The following NRXN1 variants were observed in gnomAD, a reference collection of about 807,000 sequenced individuals.
NRXN1 encodes the protein neurexin 1.
In NRXN1, 39 loss-of-function variants were observed where a neutral mutation model predicts 150.9. The observed-to-expected ratio is 0.26, with a 90% confidence interval of 0.20 to 0.34. The LOEUF is 0.34. NRXN1 is among the 10% of genes least tolerant of loss of function. The pLI is 1.00. For missense variants in NRXN1, 1,815 were observed against 1,949.9 expected (o/e 0.93, Z 1.30); for synonymous variants, 924 against 757.0 (o/e 1.22, Z -3.62).
chr2:50,669,072 T>A (rs1315943705), intron 5 of NRXN1, among the ~76,000 whole-genome samples: 3 of 149,264 alleles, frequency 2.0e-5, no homozygotes, highest in Non-Finnish European at 4.5e-5. Context: ...AGGGGAGGAG[T>A]GGTGGCCATC....
intron 18 of NRXN1, among the ~76,000 whole-genome samples, chr2:50,208,495 A>G (rs1574498464): frequency 2.0e-5 from 3 of 152,190 alleles, no homozygotes; most frequent in Middle Eastern, 6.8e-3. Flanking sequence ...AGTTTTGAAA[A>G]GGGGATATAG....
chr2:50,655,619 G>A (rs1004812394), intron 5 of NRXN1, among the ~76,000 whole-genome samples: 3 of 151,446 alleles, frequency 2.0e-5, no homozygotes, highest in African/African-American at 7.3e-5. Flanking sequence ...AACTACTTAT[G>A]AATGAGGAAT....
chr2:50,961,972 AAAG>A (rs1200197623), intron 2 of NRXN1, among the ~76,000 whole-genome samples: 4 of 151,412 alleles, frequency 2.6e-5, no homozygotes, highest in Non-Finnish European at 4.4e-5. Flanking sequence ...GTTAAAAAAA[AAAG>A]AAGAAGAAAA....
chr2:50,503,791 C>T (rs2092078695), intron 13 of NRXN1, among the ~76,000 whole-genome samples: 1 of 152,058 alleles, frequency 6.6e-6, no homozygotes, highest in South Asian at 2.1e-4. Flanking sequence ...CTTAATGTCT[C>T]CCCACAGACA....
intron 18 of NRXN1, among the ~76,000 whole-genome samples, chr2:50,175,814 T>C (rs2060320116): frequency 6.6e-6 from 1 of 152,088 alleles, no homozygotes. Context: ...ATTGACAAGG[T>C]TCCCTTTCTG....
chr2:50,212,170 T>C (rs558532301), intron 18 of NRXN1, among the ~76,000 whole-genome samples: 146 of 151,786 alleles, frequency 9.6e-4, no homozygotes, highest in African/African-American at 3.4e-3. Flanking sequence ...AAAAACAAAG[T>C]TTGTGAGTCA....
At chr2:50,870,087 C>A (rs1055003663) in intron 5 of NRXN1, among the ~76,000 whole-genome samples, 1 of 151,614 alleles carries the variant, frequency 6.6e-6, no homozygotes, top group Non-Finnish European at 1.5e-5. Context: ...CATAATTTTG[C>A]CAATAGGTAA....
intron 19 of NRXN1, among the ~76,000 whole-genome samples, chr2:50,069,738 G>A (rs1695919234): frequency 6.6e-6 from 1 of 151,788 alleles, no homozygotes; most frequent in African/African-American, 2.4e-5. Context: ...TTATCACTGA[G>A]ACATTTCTCT....
At chr2:50,821,128 G>A (rs1372130329) in intron 5 of NRXN1, among the ~76,000 whole-genome samples, 5 of 151,968 alleles carry the variant, frequency 3.3e-5, no homozygotes, top group African/African-American at 9.7e-5. Context: ...GATGCATCAG[G>A]GTTTATAATT....
intron 17 of NRXN1, among the ~76,000 whole-genome samples, chr2:50,409,780 C>T (rs960501139): frequency 2.0e-5 from 3 of 152,186 alleles, no homozygotes; most frequent in African/African-American, 7.2e-5. Flanking sequence ...AACATAAACA[C>T]ATGATTTGAT....
rs1041982174 is a variant in NRXN1 at position 49,991,518 on chromosome 2, A to C, written c.4129-47727T>G. On this transcript the variant is annotated intron_variant, in intron 21 of 22. Coordinates refer to ENST00000401669, the MANE Select transcript of NRXN1 (RefSeq NM_001330078.2). The stretch of plus-strand genomic sequence containing the variant: ...AAAATGAAACACATAGATGTAAATC[A>C]AACAAAATATCTAAAAAATAAGTAG... Among the ~76,000 whole-genome samples, 3 of 152,204 alleles carry C rather than the reference A, an allele frequency of 2.0e-5. 1 individual carries two copies. Among genetic ancestry groups the C allele is most frequent in the Admixed American group, 1.3e-4 (2 of 15,280 alleles).
At chr2:50,522,606 A>T (rs948037774) in intron 12 of NRXN1, among the ~76,000 whole-genome samples, 1 of 151,982 alleles carries the variant, frequency 6.6e-6, no homozygotes, top group Non-Finnish European at 1.5e-5. Flanking sequence ...CTGTTGCCTA[A>T]TCCATGTAGT....
intron 5 of NRXN1, among the ~76,000 whole-genome samples, chr2:50,786,642 T>C (rs1395740714): frequency 6.6e-6 from 1 of 152,268 alleles, no homozygotes; most frequent in East Asian, 1.9e-4. Flanking sequence ...AGTTTCAATT[T>C]TGATCCGAGA....
chr2:50,532,098 G>T (rs1325012783), intron 10 of NRXN1, among the ~76,000 whole-genome samples: 1 of 151,850 alleles, frequency 6.6e-6, no homozygotes, highest in African/African-American at 2.4e-5. Context: ...TGACCCTCTC[G>T]CCCAGGTTCC....
chr2:50,855,269 A>T (rs1675107126), intron 5 of NRXN1, among the ~76,000 whole-genome samples: 1 of 152,034 alleles, frequency 6.6e-6, no homozygotes, highest in African/African-American at 2.4e-5. Context: ...GTATAAAAAA[A>T]ACTTTAACTT....
intron 5 of NRXN1, among the ~76,000 whole-genome samples, chr2:50,750,692 C>A (rs1284167845): frequency 1.3e-5 from 2 of 151,986 alleles, no homozygotes; most frequent in Non-Finnish European, 2.9e-5. Flanking sequence ...AGCACCACCA[C>A]CAAAGTTCTT....
At chr2:49,974,197 C>T in intron 21 of NRXN1, 1 of 703,958 alleles carries the variant, frequency 1.4e-6, no homozygotes, top group South Asian at 1.5e-5. Flanking sequence ...AGAAAAGACA[C>T]AGAAAACGCT....
chr2:50,784,952 A>T (rs1036342206), intron 5 of NRXN1, among the ~76,000 whole-genome samples: 4 of 152,092 alleles, frequency 2.6e-5, no homozygotes, highest in Non-Finnish European at 4.4e-5. Flanking sequence ...AAACTCACTT[A>T]TTGAAGCCCT....
At chr2:50,859,403 G>A (rs1675765775) in intron 5 of NRXN1, among the ~76,000 whole-genome samples, 1 of 151,988 alleles carries the variant, frequency 6.6e-6, no homozygotes, top group African/African-American at 2.4e-5. Flanking sequence ...TACACTGCAT[G>A]ATTTTATTCA....
Sources: gnomAD v4.1 joint callset for allele counts (sites outside exome capture counted in the v4.1 genomes callset) on GRCh38, gnomAD v4.1.1 for gene constraint, MANE v1.5 for transcripts, NCBI Gene and HGNC (gene_info 2026-07-23, HGNC 2026-07-21) for gene names.